The following CSMD1 variants were observed in gnomAD, a reference collection of about 807,000 sequenced individuals.
CSMD1 encodes CUB and sushi domain-containing protein 1.
A neutral mutation model predicts 417.5 loss-of-function variants in CSMD1; 213 were observed. That is an observed-to-expected ratio of 0.51 (90% confidence interval 0.46 to 0.57). CSMD1 has a LOEUF of 0.57. CSMD1 is among the 20% of genes least tolerant of loss of function. The pLI, the probability that CSMD1 is intolerant of heterozygous loss-of-function variation, is 0.00. For missense variants in CSMD1, 6,923 were observed against 4,529.7 expected (o/e 1.53, Z -15.17); for synonymous variants, 2,862 against 1,736.8 (o/e 1.65, Z -16.11).
intron 5 of CSMD1, among the ~76,000 whole-genome samples, chr8:3,935,534 A>G (rs10087861): frequency 2.0e-5 from 3 of 152,190 alleles, no homozygotes; most frequent in South Asian, 4.1e-4. Flanking sequence ...GGTAACTTTC[A>G]TAATAACCCA....
intron 5 of CSMD1, among the ~76,000 whole-genome samples, chr8:3,918,723 G>C (rs141864557): frequency 5.7e-4 from 86 of 152,212 alleles, no homozygotes; most frequent in African/African-American, 2.0e-3. Context: ...AATGGCATTT[G>C]CAGCAACCTG....
chr8:4,060,808 G>A (rs557035159), intron 3 of CSMD1, among the ~76,000 whole-genome samples: 3 of 152,100 alleles, frequency 2.0e-5, no homozygotes, highest in South Asian at 2.1e-4. Context: ...AGGTAGGAAT[G>A]GGGCAAGGAC....
chr8:4,168,114 G>A (rs1432371672), intron 3 of CSMD1, among the ~76,000 whole-genome samples: 1 of 151,394 alleles, frequency 6.6e-6, no homozygotes, highest in Non-Finnish European at 1.5e-5. Flanking sequence ...GGGAAAGAGA[G>A]CAAGGCTCTG....
At chr8:4,480,243 C>G (rs1795341672) in intron 2 of CSMD1, among the ~76,000 whole-genome samples, 1 of 150,720 alleles carries the variant, frequency 6.6e-6, no homozygotes, top group South Asian at 2.1e-4. Flanking sequence ...AAGGAAAAAG[C>G]AGGACTTCTC....
intron 26 of CSMD1, among the ~76,000 whole-genome samples, chr8:3,239,695 A>C (rs368886448): frequency 6.6e-6 from 1 of 152,224 alleles, no homozygotes; most frequent in East Asian, 1.9e-4. Flanking sequence ...GCTAGTGGCT[A>C]GTACTATAGC....
intron 10 of CSMD1, among the ~76,000 whole-genome samples, chr8:3,521,506 A>G (rs1292569140): frequency 6.6e-6 from 1 of 152,134 alleles, no homozygotes; most frequent in African/African-American, 2.4e-5. Context: ...CGGTCCCTGT[A>G]TTACAATGAT....
At chr8:4,496,531 G>C (rs1018509377) in intron 2 of CSMD1, among the ~76,000 whole-genome samples, 1 of 152,156 alleles carries the variant, frequency 6.6e-6, no homozygotes, top group Non-Finnish European at 1.5e-5. Flanking sequence ...ATGTTAACAC[G>C]GCTGAATGAC....
At chr8:3,351,078 T>TTC (rs1488957804) in intron 21 of CSMD1, among the ~76,000 whole-genome samples, 1 of 152,210 alleles carries the variant, frequency 6.6e-6, no homozygotes, top group Non-Finnish European at 1.5e-5. Context: ...AACTAAAGTC[T>TTC]TCTATTAGTA....
chr8:3,474,838 T>C (rs529796367), intron 11 of CSMD1, among the ~76,000 whole-genome samples: 100 of 152,304 alleles, frequency 6.6e-4, no homozygotes, highest in African/African-American at 2.3e-3. Context: ...ATAGTACATA[T>C]TGTTCTGATT....
At chr8:3,313,412 T>G (rs924183773) in intron 23 of CSMD1, among the ~76,000 whole-genome samples, 1 of 151,992 alleles carries the variant, frequency 6.6e-6, no homozygotes, top group Non-Finnish European at 1.5e-5. Context: ...TGAACTCAAA[T>G]TTACAAGAAA....
intron 1 of CSMD1, among the ~76,000 whole-genome samples, chr8:4,780,727 C>G (rs1797113609): frequency 6.6e-6 from 1 of 152,116 alleles, no homozygotes; most frequent in South Asian, 2.1e-4. Context: ...CCTTCCCACT[C>G]TTCTCTACCA....
intron 2 of CSMD1, among the ~76,000 whole-genome samples, chr8:4,531,829 T>C (rs907359536): frequency 6.6e-6 from 1 of 152,184 alleles, no homozygotes; most frequent in Non-Finnish European, 1.5e-5. Context: ...TCAGAAACTT[T>C]TATCACTTTG....
intron 2 of CSMD1, among the ~76,000 whole-genome samples, chr8:4,494,978 A>G (rs926536795): frequency 3.9e-5 from 6 of 152,172 alleles, no homozygotes; most frequent in Admixed American, 3.9e-4. Context: ...GGAGAAAATA[A>G]AGAAAAGAAG....
intron 46 of CSMD1, among the ~76,000 whole-genome samples, chr8:3,098,936 A>C (rs1815539695): frequency 6.6e-6 from 1 of 151,768 alleles, no homozygotes; most frequent in Admixed American, 6.6e-5. Context: ...AAACTGTTGT[A>C]AGGACTAGGG....
chr8:4,402,260 G>C (rs1433968469), intron 3 of CSMD1, among the ~76,000 whole-genome samples: 2 of 151,844 alleles, frequency 1.3e-5, no homozygotes, highest in South Asian at 4.2e-4. Context: ...ATCATAAACT[G>C]CAAATCCAAT....
intron 11 of CSMD1, among the ~76,000 whole-genome samples, chr8:3,480,839 G>T (rs570927016): frequency 6.6e-6 from 1 of 152,008 alleles, no homozygotes; most frequent in Non-Finnish European, 1.5e-5. Context: ...ATTATCAGGC[G>T]TATAATTTGT....
chr8:3,313,653 C>A (rs1007730362), intron 23 of CSMD1, among the ~76,000 whole-genome samples: 7 of 152,190 alleles, frequency 4.6e-5, no homozygotes, highest in Non-Finnish European at 8.8e-5. Flanking sequence ...GAAATAGGAA[C>A]ACTTTCACAC....
At chr8:3,725,637 G>A (rs554918503) in intron 6 of CSMD1, among the ~76,000 whole-genome samples, 132 of 152,224 alleles carry the variant, frequency 8.7e-4, no homozygotes, top group South Asian at 8.5e-3. Context: ...TGATGTCCAA[G>A]CAACAGGATG....
At chr8:3,289,569 A>T (rs1803398260) in intron 25 of CSMD1, among the ~76,000 whole-genome samples, 1 of 102,282 alleles carries the variant, frequency 9.8e-6, no homozygotes, top group Non-Finnish European at 2.3e-5. Context: ...CATTTCTCTG[A>T]TGGCCGGTGA....
Sources: gnomAD v4.1 joint callset for allele counts (sites outside exome capture counted in the v4.1 genomes callset) on GRCh38, gnomAD v4.1.1 for gene constraint, MANE v1.5 for transcripts, NCBI Gene and HGNC (gene_info 2026-07-23, HGNC 2026-07-21) for gene names.